Variants in MYRIP observed in about 807,000 individuals in gnomAD.
MYRIP encodes rab effector MyRIP.
MYRIP carries 49 observed loss-of-function variants against 98.0 expected under a neutral mutation model. That is an observed-to-expected ratio of 0.50 (90% CI 0.40 to 0.63). The LOEUF is 0.63. Among genes scored for constraint, MYRIP ranks in the 30% least tolerant of loss-of-function variants. The pLI is 0.00. For synonymous variants in MYRIP, 404 were observed against 409.5 expected (o/e 0.99, Z 0.16); for missense variants, 1,004 against 1,058.2 (o/e 0.95, Z 0.71).
intron 1 of MYRIP, among the ~76,000 whole-genome samples, chr3:39,893,420 G>T (rs1269512183): frequency 4.6e-5 from 7 of 151,940 alleles, no homozygotes; most frequent in Non-Finnish European, 7.4e-5. Flanking sequence ...TTTAGTAGCT[G>T]GTATTGTACC....
chr3:39,820,587 A>T (rs536360176), intron 1 of MYRIP, among the ~76,000 whole-genome samples: 6 of 152,336 alleles, frequency 3.9e-5, no homozygotes, highest in Admixed American at 1.3e-4. Context: ...TTCTTCTGAA[A>T]AGCAATTTAT....
At chr3:39,839,929 G>A (rs1224649466) in intron 1 of MYRIP, among the ~76,000 whole-genome samples, 3 of 152,168 alleles carry the variant, frequency 2.0e-5, no homozygotes, top group Non-Finnish European at 2.9e-5. Flanking sequence ...ATGTGGTACT[G>A]AGAAAAATAT....
chr3:40,085,088 T>C (rs909470621), intron 3 of MYRIP, among the ~76,000 whole-genome samples: 1 of 150,654 alleles, frequency 6.6e-6, no homozygotes, highest in Non-Finnish European at 1.5e-5. Flanking sequence ...AATATGTGTC[T>C]ATGTGTTATA....
chr3:40,210,912 G>C (rs1362400244), intron 11 of MYRIP, among the ~76,000 whole-genome samples: 1 of 152,152 alleles, frequency 6.6e-6, no homozygotes, highest in Non-Finnish European at 1.5e-5. Flanking sequence ...TGCTAGACTT[G>C]CCACTTTAGA....
intron 3 of MYRIP, among the ~76,000 whole-genome samples, chr3:40,092,473 G>C (rs1948750366): frequency 6.6e-6 from 1 of 152,138 alleles, no homozygotes; most frequent in African/African-American, 2.4e-5. Flanking sequence ...GGGCATTCAG[G>C]AAAAATCCAG....
intron 2 of MYRIP, among the ~76,000 whole-genome samples, chr3:39,972,852 A>G (rs1479847210): frequency 6.6e-6 from 1 of 151,716 alleles, no homozygotes; most frequent in Non-Finnish European, 1.5e-5. Flanking sequence ...TCTTTGGACC[A>G]AAAAATAGTC....
At chr3:40,113,932 G>A (rs754420658) in intron 3 of MYRIP, among the ~76,000 whole-genome samples, 5 of 151,092 alleles carry the variant, frequency 3.3e-5, no homozygotes, top group East Asian at 3.9e-4. Flanking sequence ...CTCATGACCC[G>A]CCCGCCTTGG....
At chr3:40,083,433 C>T (rs1008817783) in intron 3 of MYRIP, among the ~76,000 whole-genome samples, 2 of 152,088 alleles carry the variant, frequency 1.3e-5, no homozygotes, top group Admixed American at 6.6e-5. Flanking sequence ...TTCCTTCTTC[C>T]TTTTTCCCCT....
intron 1 of MYRIP, among the ~76,000 whole-genome samples, chr3:39,844,839 C>G (rs868830480): frequency 6.6e-6 from 1 of 152,190 alleles, no homozygotes. Flanking sequence ...ATTATAGACA[C>G]TTTACAAATC....
intron 2 of MYRIP, among the ~76,000 whole-genome samples, chr3:39,975,229 C>T (rs1372233707): frequency 6.6e-6 from 1 of 152,130 alleles, no homozygotes. Flanking sequence ...GTGCAAAAAT[C>T]ACAAGCATTC....
At chr3:40,025,003 A>G (rs1019500365) in intron 2 of MYRIP, among the ~76,000 whole-genome samples, 2 of 152,192 alleles carry the variant, frequency 1.3e-5, no homozygotes, top group Non-Finnish European at 2.9e-5. Context: ...GATGCTGCTG[A>G]TATCCCTTCT....
intron 1 of MYRIP, among the ~76,000 whole-genome samples, chr3:39,879,367 C>G (rs780860418): frequency 2.7e-5 from 4 of 148,918 alleles, no homozygotes; most frequent in Non-Finnish European, 6.0e-5. Flanking sequence ...TTTTCTTTGA[C>G]CTTGGGTGAC....
At chr3:39,917,808 C>A (rs554790476) in intron 2 of MYRIP, among the ~76,000 whole-genome samples, 1 of 152,216 alleles carries the variant, frequency 6.6e-6, no homozygotes, top group Non-Finnish European at 1.5e-5. Context: ...CCAATCAGAT[C>A]ATTATAACTT....
rs1383310890 is a variant in MYRIP at position 40,086,955 on chromosome 3, G to A, written c.332+42684G>A. On this transcript the variant is annotated intron_variant, in intron 3 of 16. Coordinates refer to ENST00000302541, the MANE Select transcript of MYRIP (RefSeq NM_015460.4). The stretch of plus-strand genomic sequence containing the variant: ...TGGGGTAGGAACAAGGGAAGCCAGC[G>A]CCATGCCCTATGACCAGGACAATGC... Among the ~76,000 whole-genome samples, 3 of 152,022 alleles carry A rather than the reference G, an allele frequency of 2.0e-5. No individual in the cohort carries two copies. The East Asian group carries it at 5.8e-4, about 29-fold the overall frequency.
intron 1 of MYRIP, among the ~76,000 whole-genome samples, chr3:39,847,702 C>T (rs17051797): frequency 0.082 from 12,420 of 152,254 alleles, 567 homozygotes; most frequent in African/African-American, 0.12. Flanking sequence ...GCATTGTCCT[C>T]ATCTACTGTA....
At position 40,244,610 on chromosome 3, in the gene MYRIP, G is replaced by T. The variant is rs771013265; in HGVS notation, c.2262+3G>T. 6 of 1,609,864 alleles carry T rather than the reference G, an allele frequency of 3.7e-6. No individual in the cohort carries two copies. In the Admixed American group the frequency reaches 5.0e-5, roughly 13 times the overall value. ...AAGTCCACCATGCTGAACTCCAGGT[G>T]AGAACTCTCCTCTCTGCCCACATGG... On this transcript the variant is annotated splice_donor_region_variant and intron_variant, in intron 13 of 16. Coordinates refer to ENST00000302541, the MANE Select transcript of MYRIP (RefSeq NM_015460.4).
chr3:40,129,388 C>T (rs1949589119), intron 3 of MYRIP, among the ~76,000 whole-genome samples: 1 of 125,322 alleles, frequency 8.0e-6, no homozygotes. Flanking sequence ...TTGCAGTGAG[C>T]CGAGATAAAA....
intron 3 of MYRIP, among the ~76,000 whole-genome samples, chr3:40,050,521 T>G (rs574383223): frequency 6.6e-6 from 1 of 152,098 alleles, no homozygotes; most frequent in African/African-American, 2.4e-5. Flanking sequence ...TCTGATCACC[T>G]GGGAGCTCTG....
chr3:39,977,486 G>A (rs1234835872), intron 2 of MYRIP, among the ~76,000 whole-genome samples: 1 of 152,166 alleles, frequency 6.6e-6, no homozygotes, highest in Non-Finnish European at 1.5e-5. Context: ...CCAACCTGAT[G>A]TTTGTTCAGT....
Sources: gnomAD v4.1 joint callset for allele counts (sites outside exome capture counted in the v4.1 genomes callset) on GRCh38, gnomAD v4.1.1 for gene constraint, MANE v1.5 for transcripts, NCBI Gene and HGNC (gene_info 2026-07-23, HGNC 2026-07-21) for gene names.